The following ANKRD42 variants were observed in gnomAD, a reference collection of about 807,000 sequenced individuals.
ANKRD42 encodes ankyrin repeat domain-containing protein 42.
Under a neutral mutation model 51.5 loss-of-function variants are expected in ANKRD42, and 43 were observed. That is an observed-to-expected ratio of 0.83 (90% CI 0.65 to 1.08). ANKRD42 has a LOEUF of 1.08. ANKRD42 is among the 50% of genes least tolerant of loss of function. The pLI, the probability that ANKRD42 is intolerant of heterozygous loss-of-function variation, is 0.00. For synonymous variants in ANKRD42, 203 were observed against 213.0 expected, an observed-to-expected ratio of 0.95 and a Z score of 0.41; for missense variants, 608 against 629.3, an observed-to-expected ratio of 0.97 and a Z score of 0.36.
chr11:83,257,917 C>T (rs1012304178), downstream of ANKRD42, among the ~76,000 whole-genome samples: 3 of 152,292 alleles, frequency 2.0e-5, no homozygotes, highest in South Asian at 2.1e-4. Context: ...TCTGTGGCCG[C>T]GCAGGATAAG....
At chr11:83,195,638 G>A (rs1306585057) in intron 1 of ANKRD42, among the ~76,000 whole-genome samples, 1 of 152,140 alleles carries the variant, frequency 6.6e-6, no homozygotes, top group Non-Finnish European at 1.5e-5. Context: ...ACAGCACTCA[G>A]ATGATAAAGC....
chr11:83,248,153 A>G lies in ANKRD42; in HGVS notation c.1533A>G (p.Gln511=), dbSNP rs1003651825. ...KKYIQEWPRV[Q]ALGWGSLDLN... ...ATATACAAGAGTGGCCAAGAGTACAAGCTTTGGGCTGGGGCTCTTTGGACT... is the reference window on the plus strand; with the variant it reads ...ATATACAAGAGTGGCCAAGAGTACAGGCTTTGGGCTGGGGCTCTTTGGACT... The change falls in exon 11 of 11, where the codon CAA becomes CAG. Residue 511 remains glutamine (Q), a synonymous_variant. Transcript: ENST00000533342. 2 of 1,539,220 alleles carry G rather than the reference A, an allele frequency of 1.3e-6. No homozygotes were observed. Among genetic ancestry groups the G allele is most frequent in the Non-Finnish European group, 8.7e-7 (1 of 1,145,198 alleles).
intron 2 of ANKRD42, among the ~76,000 whole-genome samples, chr11:83,203,268 G>C (rs770486916): frequency 1.3e-5 from 2 of 152,022 alleles, no homozygotes; most frequent in African/African-American, 4.8e-5. Context: ...AGGGATTACA[G>C]GTGTGAGCCA....
In ANKRD42 at chr11:83,194,227, C is replaced by T. The variant is rs1428828963; in HGVS notation, c.-444C>T. On this transcript the variant is annotated 5_prime_UTR_variant, in exon 1 of 11. Coordinates refer to ENST00000533342, the MANE Select transcript of ANKRD42 (RefSeq NM_001300975.2). ...GGGAACAGCCAGAGAAGACCGAGGC[C>T]TCCGCCTCAGTGGTCCTTGGGAGGG... 1.9e-5 allele frequency: 9 copies of T among 461,786 alleles called. No individual in the cohort carries two copies. Among genetic ancestry groups the T allele is most frequent in the Non-Finnish European group, 3.5e-5 (8 of 230,614 alleles). The allele number at this position is 461,786 out of a possible 1,614,324, so 28.6% of individuals were successfully genotyped here. A position where few individuals can be genotyped will look rare whatever the true frequency, so the allele number is the denominator to read the frequency against.
intron 9 of ANKRD42, among the ~76,000 whole-genome samples, chr11:83,243,017 T>C (rs1863440120): frequency 6.6e-6 from 1 of 152,204 alleles, no homozygotes; most frequent in Non-Finnish European, 1.5e-5. Context: ...TGATATATAT[T>C]CCTTTCTGTT....
In ANKRD42 at chr11:83,248,396, A is replaced by G; in HGVS notation, c.*192A>G. The G allele has an allele frequency of 7.7e-6, 10 of 1,291,140 alleles. No individual in the cohort carries two copies. Among genetic ancestry groups the G allele is most frequent in the Non-Finnish European group, 9.8e-6 (10 of 1,025,324 alleles). 80.0% of individuals were successfully genotyped at this position (1,291,140 alleles called of 1,614,324 possible). A position where few individuals can be genotyped will look rare whatever the true frequency, so the allele number is the denominator to read the frequency against. Reference sequence around the variant, plus strand: ...CACATCTGTCTATCTATCTTCAAACAGCAGCCTAGTTCATAAGTATTATTG... The same window carrying G: ...CACATCTGTCTATCTATCTTCAAACGGCAGCCTAGTTCATAAGTATTATTG... On this transcript the variant is annotated 3_prime_UTR_variant, in exon 11 of 11. Transcript: ENST00000533342.
chr11:83,260,464 T>C (rs1863878087), downstream of ANKRD42: 1 of 152,170 alleles, frequency 6.6e-6, no homozygotes. Flanking sequence ...TGAATCAGAA[T>C]GTAACAGGAT....
At chr11:83,249,345 T>C (rs1863634931), downstream of ANKRD42, among the ~76,000 whole-genome samples, 1 of 152,248 alleles carries the variant, frequency 6.6e-6, no homozygotes, top group Non-Finnish European at 1.5e-5. Flanking sequence ...TAGCTGGGAC[T>C]GTAGGCATGC....
In ANKRD42 at chr11:83,194,718, T is replaced by A; in HGVS notation, c.48T>A (p.Thr16=). The change falls in exon 1 of 11, where the codon ACT becomes ACA. Residue 16 remains threonine (T), a synonymous_variant. Transcript: ENST00000533342. The part of the protein sequence containing the change: ...NSGPSTSSRE[T]ANPCSRKKVH... The stretch of plus-strand genomic sequence containing the variant: ...GCCCCTCCACTTCCTCTAGGGAGAC[T>A]GCAAACCCCTGTGAGTCAGACTGTC... The A allele has an allele frequency of 6.3e-7, 1 of 1,595,846 alleles. No individual in the cohort carries two copies. The highest frequency in any genetic ancestry group is 1.1e-5 in the South Asian group (1 of 89,244).
chr11:83,212,666 C>G, intron 5 of ANKRD42: 1 of 1,535,996 alleles, frequency 6.5e-7, no homozygotes, highest in Non-Finnish European at 8.7e-7. Context: ...CTCCTTAGAT[C>G]CCTGTGGAGC....
chr11:83,213,384 C>T (rs1181337002), intron 5 of ANKRD42: 31 of 1,572,026 alleles, frequency 2.0e-5, no homozygotes, highest in African/African-American at 2.7e-5. Flanking sequence ...CGCCAGGCTG[C>T]GCAGTGAAGA....
intron 2 of ANKRD42, among the ~76,000 whole-genome samples, chr11:83,203,261 G>T (rs941250928): frequency 6.6e-6 from 1 of 152,030 alleles, no homozygotes; most frequent in Non-Finnish European, 1.5e-5. Context: ...TCCCAATAGG[G>T]ATTACAGGTG....
At position 83,248,179 on chromosome 11, in the gene ANKRD42, T is replaced by C. The variant is rs768292468; in HGVS notation, c.1559T>C (p.Leu520Ser). 11 of 1,522,176 alleles carry C rather than the reference T, an allele frequency of 7.2e-6. No individual in the cohort carries two copies. The South Asian group carries it at 1.3e-4, about 19-fold the overall frequency. The allele number at this position is 1,522,176 out of a possible 1,614,324, so 94.3% of individuals were successfully genotyped here. Residue 520 changes from leucine (L) to serine (S), a missense_variant, in exon 11 of 11, where the codon TTG becomes TCG. Physicochemically the swap from Leu to Ser is moderately radical, Grantham distance 145. Coordinates refer to ENST00000533342, the MANE Select transcript of ANKRD42 (RefSeq NM_001300975.2). ...VQALGWGSLD[L>S]NPGYSLF ...GCTTTGGGCTGGGGCTCTTTGGACT[T>C]GAATCCTGGCTATAGTCTTTTTTGA...
chr11:83,216,393 G>T (rs546592505), intron 5 of ANKRD42, among the ~76,000 whole-genome samples: 1 of 150,932 alleles, frequency 6.6e-6, no homozygotes, highest in Non-Finnish European at 1.5e-5. Flanking sequence ...GCGCAATCTC[G>T]GCTCACTGCA....
chr11:83,217,553 AAG>A (rs1382140703), intron 5 of ANKRD42, among the ~76,000 whole-genome samples: 1 of 152,208 alleles, frequency 6.6e-6, no homozygotes, highest in East Asian at 1.9e-4. Context: ...GTCCAGGAGG[AAG>A]TCCACTTCCT....
chr11:83,202,044 G>A (rs1025482983), intron 2 of ANKRD42, among the ~76,000 whole-genome samples: 1 of 152,154 alleles, frequency 6.6e-6, no homozygotes, highest in Non-Finnish European at 1.5e-5. Flanking sequence ...TGCTTTTGGT[G>A]TTTTAGTCAT....
intron 2 of ANKRD42, among the ~76,000 whole-genome samples, chr11:83,205,444 G>A (rs1177920044): frequency 1.3e-5 from 2 of 152,216 alleles, no homozygotes; most frequent in African/African-American, 2.4e-5. Context: ...TAAAAAGGAA[G>A]AGGTGGTAGC....
downstream of ANKRD42, chr11:83,259,623 A>G (rs1408543620): frequency 6.6e-6 from 1 of 152,220 alleles, no homozygotes; most frequent in Non-Finnish European, 1.5e-5. Flanking sequence ...AGAGGCCTAA[A>G]AAACACCTTT....
At chr11:83,213,299 A>G (rs1161884142) in intron 5 of ANKRD42, 1 of 1,591,494 alleles carries the variant, frequency 6.3e-7, no homozygotes, top group Non-Finnish European at 8.5e-7. Flanking sequence ...CTGTGCTGAG[A>G]TGTTTCCTCC....
Sources: allele counts gnomAD v4.1 joint callset (sites outside exome capture counted in the v4.1 genomes callset), GRCh38; gene constraint gnomAD v4.1.1; transcripts MANE v1.5; gene names NCBI Gene and HGNC (gene_info 2026-07-23, HGNC 2026-07-21).